HSD17B4: variants seen among roughly 807,000 people sequenced by gnomAD.
HSD17B4 encodes hydroxysteroid 17-beta dehydrogenase 4, also known as peroxisomal multifunctional enzyme type 2.
HSD17B4 carries 70 observed loss-of-function variants against 101.0 expected under a neutral mutation model. That is an observed-to-expected ratio of 0.69 (90% CI 0.57 to 0.85). The LOEUF (loss-of-function observed/expected upper bound fraction) is 0.85, where lower values mean the gene tolerates loss of function less well. HSD17B4 is among the 40% of genes least tolerant of loss of function. HSD17B4 has a pLI of 0.00. For missense variants in HSD17B4, 984 were observed against 892.4 expected (o/e 1.10, Z -1.31); for synonymous variants, 347 against 297.1 (o/e 1.17, Z -1.73).
chr5:119,524,590 A>T (rs1030633616), intron 17 of HSD17B4, among the ~76,000 whole-genome samples: 22 of 152,164 alleles, frequency 1.4e-4, no homozygotes, highest in African/African-American at 5.3e-4. Context: ...GCCAGAAAGT[A>T]TGGTGACTTT....
At chr5:119,512,120 A>G (rs1046480517) in intron 16 of HSD17B4, among the ~76,000 whole-genome samples, 16 of 152,308 alleles carry the variant, frequency 1.1e-4, no homozygotes, top group East Asian at 7.7e-4. Context: ...AGAAAGAATC[A>G]AAAAAGCTTA....
At chr5:119,521,619 A>G (rs891088973) in intron 17 of HSD17B4, among the ~76,000 whole-genome samples, 1 of 151,288 alleles carries the variant, frequency 6.6e-6, no homozygotes, top group Non-Finnish European at 1.5e-5. Flanking sequence ...CCATCCCCTT[A>G]TTTAATTTTT....
chr5:119,461,891 C>T (rs979148707), intron 2 of HSD17B4, among the ~76,000 whole-genome samples: 4 of 152,002 alleles, frequency 2.6e-5, no homozygotes, highest in Admixed American at 6.6e-5. Flanking sequence ...CAAGAAAAAA[C>T]GAAAAGGATT....
At chr5:119,509,374 C>T (rs960190646) in intron 16 of HSD17B4, 130 bp downstream of exon 16, 3 of 739,560 alleles carry the variant, frequency 4.1e-6, no homozygotes, top group Admixed American at 3.7e-5. Flanking sequence ...ACATCTGCCA[C>T]CCCTGGGACA....
chr5:119,456,170 G>C (rs116687497), intron 1 of HSD17B4, 145 bp from the exon 2 acceptor site: 2 of 710,364 alleles, frequency 2.8e-6, no homozygotes, highest in Non-Finnish European at 5.2e-6. Context: ...GATAGGTTGA[G>C]AATGTCAGTG....
At chr5:119,494,054 G>T in intron 11 of HSD17B4, 108 bp downstream of exon 11, 2 of 1,095,486 alleles carry the variant, frequency 1.8e-6, no homozygotes, top group East Asian at 2.4e-5. Context: ...TAAGACACTT[G>T]AATCGTCTAT....
intron 2 of HSD17B4, among the ~76,000 whole-genome samples, chr5:119,465,714 A>G (rs1755740025): frequency 6.6e-6 from 1 of 152,168 alleles, no homozygotes; most frequent in African/African-American, 2.4e-5. Flanking sequence ...CAGTTCTAAG[A>G]GTTTTTTGAT....
chr5:119,462,043 T>TAAAAA (rs1304620919), intron 2 of HSD17B4, among the ~76,000 whole-genome samples: 1 of 151,618 alleles, frequency 6.6e-6, no homozygotes. Context: ...AGATTTATGT[T>TAAAAA]AAAAAAAACC....
At chr5:119,474,332 C>A in intron 3 of HSD17B4, 69 bp from the exon 4 acceptor site, 1 of 917,892 alleles carries the variant, frequency 1.1e-6, no homozygotes, top group Non-Finnish European at 1.8e-6. Flanking sequence ...TGTACTCTGA[C>A]CCACAGAATT....
chr5:119,466,296 G>A (rs577581289), intron 2 of HSD17B4, among the ~76,000 whole-genome samples: 16 of 152,064 alleles, frequency 1.1e-4, no homozygotes, highest in South Asian at 2.1e-4. Flanking sequence ...TCTGGTTTGG[G>A]TATCAGTATA....
intron 1 of HSD17B4, among the ~76,000 whole-genome samples, chr5:119,455,412 G>A (rs998229540): frequency 4.6e-5 from 7 of 152,170 alleles, no homozygotes; most frequent in East Asian, 3.9e-4. Flanking sequence ...AGCTACTCGC[G>A]AGGCTGAGGC....
At chr5:119,464,378 A>G (rs1755592312) in intron 2 of HSD17B4, among the ~76,000 whole-genome samples, 1 of 152,188 alleles carries the variant, frequency 6.6e-6, no homozygotes, top group Admixed American at 6.5e-5. Context: ...GATGAGAGGT[A>G]GGGGTCTATT....
At chr5:119,465,581 A>T (rs1755726929) in intron 2 of HSD17B4, among the ~76,000 whole-genome samples, 1 of 152,128 alleles carries the variant, frequency 6.6e-6, no homozygotes, top group Non-Finnish European at 1.5e-5. Flanking sequence ...TTTCTTTGTA[A>T]ATTACCCAGC....
intron 8 of HSD17B4, among the ~76,000 whole-genome samples, chr5:119,480,411 A>G (rs1749011120): frequency 6.6e-6 from 1 of 152,272 alleles, no homozygotes; most frequent in African/African-American, 2.4e-5. Flanking sequence ...CAGGGGAGAC[A>G]TCACACATTG....
chr5:119,510,649 A>G (rs562056482), intron 16 of HSD17B4, among the ~76,000 whole-genome samples: 4 of 152,348 alleles, frequency 2.6e-5, no homozygotes, highest in African/African-American at 9.6e-5. Context: ...TTCTAAGGGT[A>G]TAGAGCAAAT....
chr5:119,479,264 AT>A lies in HSD17B4; in HGVS notation c.622+253del, dbSNP rs202023697. ...CATTCTTTTTCTCTGCATATTCATA[AT>A]TTTTTTTTTGTTTTACACAATGGGG... On this transcript the variant is annotated intron_variant, in intron 8 of 23. Transcript: ENST00000510025. Among the ~76,000 whole-genome samples the A allele has an allele frequency of 0.017, 2,532 of 150,110 alleles. 71 individuals carry two copies. The highest frequency in any genetic ancestry group is 0.055 in the African/African-American group (2,274 of 41,014).
chr5:119,505,421 C>T (rs542315796), intron 14 of HSD17B4, among the ~76,000 whole-genome samples: 187 of 152,170 alleles, frequency 1.2e-3, no homozygotes, highest in Non-Finnish European at 2.4e-3. Context: ...TGATTTCTTT[C>T]AGCAGTGTTT....
Position 119,525,957 on chromosome 5 carries a change from A to G in HSD17B4, c.1614A>G (p.Gly538=), listed in dbSNP as rs1753556694. ...TATTACATGGATTATGTACATTTGG[A>G]TTTTCTGCCAGGCGTGTGTTACAGC... ...KPILHGLCTF[G]FSARRVLQQF... is the part of the protein sequence containing the mutation. Residue 538 remains glycine, a synonymous_variant, in exon 19 of 24, where the codon GGA becomes GGG. Transcript: ENST00000510025. 3.7e-6 allele frequency: 6 copies of G among 1,611,884 alleles called. No homozygotes were observed. In the African/African-American group the frequency reaches 4.0e-5, roughly 11 times the overall value.
chr5:119,456,448 C>G lies in HSD17B4; in HGVS notation c.112+80C>G. On this transcript the variant is annotated intron_variant, in intron 2 of 23. Coordinates refer to ENST00000510025, the MANE Select transcript of HSD17B4 (RefSeq NM_000414.4). ...TTACAAGCTATCTTTGTCTTTCTAT[C>G]AAATAATTTGTCAAGGTTGAATTTT... The G allele has an allele frequency of 3.1e-6, 3 of 960,878 alleles. No homozygotes were observed. The South Asian group carries it at 4.0e-5, about 13-fold the overall frequency. 59.5% of individuals were successfully genotyped at this position (960,878 alleles called of 1,614,324 possible). A position where few individuals can be genotyped will look rare whatever the true frequency, so the allele number is the denominator to read the frequency against.
Sources: allele counts gnomAD v4.1 joint callset (sites outside exome capture counted in the v4.1 genomes callset), GRCh38; gene constraint gnomAD v4.1.1; transcripts MANE v1.5; gene names NCBI Gene and HGNC (gene_info 2026-07-23, HGNC 2026-07-21).